LRCH3: variants seen among roughly 807,000 people sequenced by gnomAD.
LRCH3 encodes leucine rich repeats and calponin homology domain containing 3.
Under a neutral mutation model 104.5 loss-of-function variants are expected in LRCH3, and 68 were observed. That is an observed-to-expected ratio of 0.65 (90% confidence interval 0.54 to 0.80). The LOEUF is 0.80. LRCH3 is among the 30% of genes least tolerant of loss of function. The probability of loss-of-function intolerance (pLI) is 0.00; values close to 1 mark genes in which losing one functional copy is unlikely to be tolerated. For synonymous variants in LRCH3, 344 were observed against 361.3 expected (o/e 0.95, Z 0.54); for missense variants, 951 against 953.9 (o/e 1.00, Z 0.04).
chr3:197,882,517 C>CAAAAAA (rs1199254858), intron 20 of LRCH3: 11 of 862,626 alleles, frequency 1.3e-5, no homozygotes, highest in African/African-American at 7.2e-5. Flanking sequence ...CAATGAAAAG[C>CAAAAAA]AAAACAAAAA....
intron 2 of LRCH3, among the ~76,000 whole-genome samples, chr3:197,816,277 G>GT (rs1246370284): frequency 2.5e-4 from 38 of 150,562 alleles, no homozygotes; most frequent in Middle Eastern, 3.5e-3. Flanking sequence ...GATGTGGGTT[G>GT]TTTTTTTTTC....
Position 197,865,474 on chromosome 3 carries a change from A to C in LRCH3, c.1765+3A>C. 1 of 1,530,772 alleles carries C rather than the reference A, an allele frequency of 6.5e-7. No individual in the cohort carries two copies. The highest frequency in any genetic ancestry group is 8.8e-7 in the Non-Finnish European group (1 of 1,134,938). The allele number at this position is 1,530,772 out of a possible 1,614,324, so 94.8% of individuals were successfully genotyped here. ...AAGTTCACCTGCAACAGAAACAGGT[A>C]ATAGACACAAAGGTGCAATTAACCA... On this transcript the variant is annotated splice_donor_region_variant and intron_variant, in intron 16 of 20. Coordinates refer to ENST00000425562, the MANE Select transcript of LRCH3 (RefSeq NM_001365715.1).
At chr3:197,797,876 AAAAAAAC>A (rs1324227837) in intron 1 of LRCH3, among the ~76,000 whole-genome samples, 12 of 137,776 alleles carry the variant, frequency 8.7e-5, no homozygotes, top group African/African-American at 2.4e-4. Context: ...AAAAAAAACA[AAAAAAAC>A]AAAAAAAAAA....
rs780193246 is a variant in LRCH3, at chr3:197,854,379, T to C, written c.1591-13T>C. The C allele has an allele frequency of 1.1e-5, 17 of 1,613,448 alleles. No homozygotes were observed. The Middle Eastern group carries it at 9.9e-4, about 94-fold the overall frequency. ...TGTTTCTGACATGGCTTCATTTTTCTCCATCTCTCCAGTGCCCCTTCCCAT... is the reference window on the plus strand; with the variant it reads ...TGTTTCTGACATGGCTTCATTTTTCCCCATCTCTCCAGTGCCCCTTCCCAT... On this transcript the variant is annotated splice_polypyrimidine_tract_variant and intron_variant, in intron 13 of 20. Transcript: ENST00000425562. This position sits in a 1 kb window ranked among gnomAD's most constrained non-coding sequence, Gnocchi z 4.5.
At chr3:197,820,638 G>T (rs1265076689) in intron 4 of LRCH3, among the ~76,000 whole-genome samples, 3 of 152,074 alleles carry the variant, frequency 2.0e-5, no homozygotes, top group Non-Finnish European at 2.9e-5. Flanking sequence ...TAGGGAGTCT[G>T]TCTCTACAGA....
chr3:197,877,641 C>T (rs939795207), intron 20 of LRCH3, among the ~76,000 whole-genome samples: 2 of 152,244 alleles, frequency 1.3e-5, no homozygotes, highest in African/African-American at 4.8e-5. Flanking sequence ...TCACATGTTA[C>T]AAAGTGAAAG....
At position 197,875,689 on chromosome 3, in the gene LRCH3, T is replaced by G. The variant is rs1243755895; in HGVS notation, c.2131-9T>G. On this transcript the variant is annotated splice_polypyrimidine_tract_variant and intron_variant, in intron 19 of 20. Transcript: ENST00000425562. ...TCTCTAGTAACACATTTTCTTTTCC[T>G]CATTTCAGCCTAAATTAACAATGGC... is the stretch of plus-strand genomic sequence containing the variant. The G allele has an allele frequency of 7.8e-6, 12 of 1,532,216 alleles. No individual in the cohort carries two copies. The highest frequency in any genetic ancestry group is 8.7e-6 in the Non-Finnish European group (10 of 1,144,950). The allele number at this position is 1,532,216 out of a possible 1,614,324, so 94.9% of individuals were successfully genotyped here.
At chr3:197,863,305 C>G (rs192967089) in intron 15 of LRCH3, among the ~76,000 whole-genome samples, 3 of 152,190 alleles carry the variant, frequency 2.0e-5, no homozygotes, top group Admixed American at 6.5e-5. Flanking sequence ...CTCTGTTGCC[C>G]AGGCTGGAAT....
At chr3:197,879,007 A>G (rs925104585) in intron 20 of LRCH3, among the ~76,000 whole-genome samples, 3 of 152,258 alleles carry the variant, frequency 2.0e-5, no homozygotes, top group African/African-American at 7.2e-5. Flanking sequence ...AAAGTGTTGT[A>G]CAAGTTAAAG....
chr3:197,811,675 C>G (rs1268034941), intron 1 of LRCH3, among the ~76,000 whole-genome samples: 1 of 152,122 alleles, frequency 6.6e-6, no homozygotes, highest in Non-Finnish European at 1.5e-5. Context: ...GGCTTAGTTA[C>G]TGAGATTTAA....
chr3:197,842,035 A>G (rs1170809378), intron 10 of LRCH3, among the ~76,000 whole-genome samples: 1 of 152,030 alleles, frequency 6.6e-6, no homozygotes, highest in Admixed American at 6.6e-5. Context: ...AAATCTCCCT[A>G]TGTTGCCCAG....
chr3:197,834,888 A>C (rs927309400), intron 8 of LRCH3, among the ~76,000 whole-genome samples: 2 of 152,218 alleles, frequency 1.3e-5, no homozygotes, highest in Non-Finnish European at 2.9e-5. Flanking sequence ...TGATGCCTGT[A>C]ATCCCAGCAC....
At position 197,791,305 on chromosome 3, in the gene LRCH3, G is replaced by A; in HGVS notation, c.27G>A (p.Val9=). The stretch of plus-strand genomic sequence containing the variant: ...TGGCGGCCGCGGGCTTGGTCGCTGT[G>A]GCAGCGGCTGCCGAGTACTCTGGCA... MAAAGLVA[V]AAAAEYSGTV... is the part of the protein sequence containing the mutation. The change falls in exon 1 of 21, where the codon GTG becomes GTA. Residue 9 remains valine, a synonymous_variant. Coordinates refer to ENST00000425562, the MANE Select transcript of LRCH3 (RefSeq NM_001365715.1). 1 of 1,608,918 alleles carries A rather than the reference G, an allele frequency of 6.2e-7. No homozygotes were observed. The highest frequency in any genetic ancestry group is 8.5e-7 in the Non-Finnish European group (1 of 1,178,774).
chr3:197,842,593 C>G (rs1419525671), intron 10 of LRCH3, among the ~76,000 whole-genome samples: 1 of 152,122 alleles, frequency 6.6e-6, no homozygotes, highest in Non-Finnish European at 1.5e-5. Flanking sequence ...TTCCCCTACC[C>G]TCATCCAACA....
chr3:197,846,135 G>T (rs545457334), intron 10 of LRCH3, among the ~76,000 whole-genome samples: 37 of 152,102 alleles, frequency 2.4e-4, no homozygotes, highest in East Asian at 1.9e-4. Flanking sequence ...TGGCGTGGTG[G>T]CCCACACCCG....
intron 1 of LRCH3, among the ~76,000 whole-genome samples, chr3:197,803,451 C>T (rs528274237): frequency 6.6e-6 from 1 of 152,170 alleles, no homozygotes; most frequent in African/African-American, 2.4e-5. Context: ...TAACAAGCAC[C>T]CTGATGGTAC....
chr3:197,878,673 A>G (rs1241862852), intron 20 of LRCH3, among the ~76,000 whole-genome samples: 4 of 152,176 alleles, frequency 2.6e-5, no homozygotes, highest in Non-Finnish European at 5.9e-5. Context: ...CTGCTGAAAA[A>G]TTAGTCATCT....
At chr3:197,880,099 C>T (rs567671345) in intron 20 of LRCH3, among the ~76,000 whole-genome samples, 3 of 151,124 alleles carry the variant, frequency 2.0e-5, no homozygotes, top group Non-Finnish European at 4.4e-5. Context: ...GCGCCCGCCA[C>T]CACGCCCGGC....
At chr3:197,848,131 C>A in intron 12 of LRCH3, 110 bp downstream of exon 12, 1 of 1,076,590 alleles carries the variant, frequency 9.3e-7, no homozygotes, top group Non-Finnish European at 1.3e-6. Flanking sequence ...ATTTTTCTCT[C>A]TGTAAGGAAT....
Sources: allele counts gnomAD v4.1 joint callset (sites outside exome capture counted in the v4.1 genomes callset), GRCh38; gene constraint gnomAD v4.1.1; non-coding constraint Gnocchi (gnomAD v3.1); transcripts MANE v1.5; gene names NCBI Gene and HGNC (gene_info 2026-07-23, HGNC 2026-07-21).